The following DLG1 variants were observed in gnomAD, a reference collection of about 807,000 sequenced individuals.
DLG1 encodes the protein discs large MAGUK scaffold protein 1.
Under a neutral mutation model 123.4 loss-of-function variants are expected in DLG1, and 42 were observed. That is an observed-to-expected ratio of 0.34 (90% CI 0.27 to 0.44). The LOEUF is 0.44. DLG1 is among the 20% of genes least tolerant of loss of function. The pLI is 1.00. For missense variants in DLG1, 942 were observed against 1,082.6 expected (o/e 0.87, Z 1.82); for synonymous variants, 317 against 356.2 (o/e 0.89, Z 1.24).
chr3:197,265,471 G>C lies in DLG1; in HGVS notation c.318+17208C>G, dbSNP rs550085352. 1.3e-4 allele frequency among the ~76,000 whole-genome samples: 20 copies of C among 152,316 alleles called. 1 individual carries two copies. The South Asian group carries it at 3.3e-3, about 25-fold the overall frequency. ...AAACCCAGCAGCCTTAAGTTGAGGA[G>C]AAAGCGTTGAGAATAAACAGAGCTA... On this transcript the variant is annotated intron_variant, in intron 4 of 24. Coordinates refer to ENST00000667157, the MANE Select transcript of DLG1 (RefSeq NM_001366207.1).
rs887262308 is a variant in DLG1 at position 197,211,267 on chromosome 3, C to G, written c.319-16678G>C. ...AACTATTCCAAAAAAATTAAAGAGG[C>G]TGAACTCCTCTCCAACTCATTCTAT... On this transcript the variant is annotated intron_variant, in intron 4 of 24. Coordinates refer to ENST00000667157, the MANE Select transcript of DLG1 (RefSeq NM_001366207.1). 4.8e-5 allele frequency among the ~76,000 whole-genome samples: 7 copies of G among 146,274 alleles called. No individual in the cohort carries two copies. In the East Asian group the frequency reaches 1.2e-3, roughly 25 times the overall value.
intron 4 of DLG1, among the ~76,000 whole-genome samples, chr3:197,232,408 C>T (rs142170453): frequency 1.4e-5 from 2 of 147,746 alleles, no homozygotes; most frequent in Non-Finnish European, 3.0e-5. Flanking sequence ...GCTAATGATA[C>T]TGCTCATGGT....
At chr3:197,081,412 T>A (rs1371351528) in intron 16 of DLG1, among the ~76,000 whole-genome samples, 1 of 152,208 alleles carries the variant, frequency 6.6e-6, no homozygotes, top group Non-Finnish European at 1.5e-5. Context: ...ATTTCTGAGT[T>A]TAACAGTTTT....
At chr3:197,111,303 T>G (rs1470726002) in intron 13 of DLG1, among the ~76,000 whole-genome samples, 2 of 152,086 alleles carry the variant, frequency 1.3e-5, no homozygotes, top group Non-Finnish European at 2.9e-5. Flanking sequence ...CTAGGTTGAG[T>G]TGGTTGGTCT....
intron 4 of DLG1, among the ~76,000 whole-genome samples, chr3:197,201,895 A>G (rs546359268): frequency 6.6e-6 from 1 of 152,140 alleles, no homozygotes; most frequent in Non-Finnish European, 1.5e-5. Flanking sequence ...ACTCAGACAC[A>G]GAAAGACAAA....
intron 11 of DLG1, among the ~76,000 whole-genome samples, chr3:197,129,703 T>C (rs1175139607): frequency 7.2e-5 from 11 of 152,200 alleles, no homozygotes; most frequent in Non-Finnish European, 1.6e-4. Context: ...AACTTTTCAC[T>C]TGAGCACTCA....
chr3:197,103,309 T>C (rs1764546402), intron 14 of DLG1, among the ~76,000 whole-genome samples: 1 of 152,134 alleles, frequency 6.6e-6, no homozygotes, highest in Non-Finnish European at 1.5e-5. Context: ...GTGTGTTCTG[T>C]GTGTTTTGAG....
chr3:197,065,146 T>C (rs917579289), intron 22 of DLG1, 130 bp downstream of exon 22: 1 of 821,248 alleles, frequency 1.2e-6, no homozygotes, highest in Non-Finnish European at 1.7e-6. Context: ...CATGGAAAAT[T>C]AATTATTTAG....
Position 197,044,559 on chromosome 3 carries a change from A to T in DLG1, c.*64T>A. 8.9e-7 allele frequency: 1 copy of T among 1,122,044 alleles called. No homozygotes were observed. Among genetic ancestry groups the T allele is most frequent in the Non-Finnish European group, 1.3e-6 (1 of 755,408 alleles). The allele number at this position is 1,122,044 out of a possible 1,614,324, so 69.5% of individuals were successfully genotyped here. A position where few individuals can be genotyped will look rare whatever the true frequency, so the allele number is the denominator to read the frequency against. On this transcript the variant is annotated 3_prime_UTR_variant, in exon 25 of 25. Transcript: ENST00000667157. ...CAGTACTCAAGAAAGACTCCAGAGG[A>T]AAGGGCAAAGAGATGCCAAAGAAAA...
intron 11 of DLG1, among the ~76,000 whole-genome samples, chr3:197,121,410 A>T (rs1463923109): frequency 6.6e-6 from 1 of 152,154 alleles, no homozygotes; most frequent in Non-Finnish European, 1.5e-5. Flanking sequence ...AAGCAAGTAG[A>T]AGAGCTTGAA....
intron 14 of DLG1, among the ~76,000 whole-genome samples, chr3:197,093,261 C>A (rs1010974568): frequency 6.6e-6 from 1 of 152,026 alleles, no homozygotes; most frequent in African/African-American, 2.4e-5. Context: ...TGGCTTCAAG[C>A]GATTCTCCTG....
chr3:197,120,315 T>G (rs1775655462), intron 11 of DLG1, among the ~76,000 whole-genome samples: 2 of 150,220 alleles, frequency 1.3e-5, no homozygotes, highest in Non-Finnish European at 3.0e-5. Context: ...GTTGGTTCAC[T>G]TCAATAGTAA....
chr3:197,074,454 TC>T (rs1352522480), intron 18 of DLG1, among the ~76,000 whole-genome samples: 1 of 152,132 alleles, frequency 6.6e-6, no homozygotes, highest in Non-Finnish European at 1.5e-5. Flanking sequence ...ACCAAATTCT[TC>T]ATTTAGTTTC....
intron 4 of DLG1, among the ~76,000 whole-genome samples, chr3:197,204,168 C>A (rs986900036): frequency 5.3e-5 from 8 of 152,170 alleles, no homozygotes; most frequent in African/African-American, 1.9e-4. Flanking sequence ...AGTGTGATTT[C>A]CACATTACAC....
chr3:197,227,290 T>C (rs1049251356), intron 4 of DLG1, among the ~76,000 whole-genome samples: 4 of 152,002 alleles, frequency 2.6e-5, no homozygotes, highest in Non-Finnish European at 5.9e-5. Flanking sequence ...CTGGCCAACA[T>C]GGTGAAACCC....
intron 3 of DLG1, among the ~76,000 whole-genome samples, chr3:197,285,128 G>A (rs531942488): frequency 3.0e-4 from 46 of 151,156 alleles, no homozygotes; most frequent in African/African-American, 9.5e-4. Context: ...CATTACCTTT[G>A]TTATTTTCTT....
chr3:197,286,215 G>T (rs1771765303), intron 3 of DLG1, among the ~76,000 whole-genome samples: 4 of 152,158 alleles, frequency 2.6e-5, no homozygotes, highest in Non-Finnish European at 5.9e-5. Context: ...GTTTGTGTGG[G>T]GGGTGTAGAA....
rs146719415 is a variant in DLG1, at chr3:197,197,576, T to C, written c.319-2987A>G. On this transcript the variant is annotated intron_variant, in intron 4 of 24. Transcript: ENST00000667157. ...CTCCTAAGGTGATCAGTTAGGTTTC[T>C]ATACAGCATTCAATGCAATCTCTAT... Among the ~76,000 whole-genome samples the C allele has an allele frequency of 2.4e-4, 36 of 152,368 alleles. No individual in the cohort carries two copies. In the East Asian group the frequency reaches 6.6e-3, roughly 28 times the overall value.
intron 20 of DLG1, 62 bp downstream of exon 20, chr3:197,066,642 T>C: frequency 3.0e-6 from 4 of 1,320,210 alleles, no homozygotes; most frequent in Non-Finnish European, 4.2e-6. Flanking sequence ...AGAATTTTTT[T>C]CCCCCAAATT....
Sources: gnomAD v4.1 joint callset for allele counts (sites outside exome capture counted in the v4.1 genomes callset) on GRCh38, gnomAD v4.1.1 for gene constraint, MANE v1.5 for transcripts, NCBI Gene and HGNC (gene_info 2026-07-23, HGNC 2026-07-21) for gene names.